Variants in MERTK observed in about 807,000 individuals in gnomAD.
MERTK encodes the protein MER proto-oncogene, tyrosine kinase.
In MERTK, 69 loss-of-function variants were observed where a neutral mutation model predicts 99.3. That is an observed-to-expected ratio of 0.70 (90% CI 0.57 to 0.85). The LOEUF (loss-of-function observed/expected upper bound fraction) is 0.85. Ranked by LOEUF, MERTK falls within the 40% of genes least tolerant of loss-of-function variation. The probability of loss-of-function intolerance (pLI) is 0.00; values close to 1 mark genes in which losing one functional copy is unlikely to be tolerated. For synonymous variants in MERTK, 426 were observed against 467.6 expected (o/e 0.91, Z 1.15); for missense variants, 1,125 against 1,249.4 (o/e 0.90, Z 1.50).
chr2:111,988,832 C>T (rs1340674485), intron 8 of MERTK, among the ~76,000 whole-genome samples: 1 of 152,238 alleles, frequency 6.6e-6, no homozygotes, highest in East Asian at 1.9e-4. Flanking sequence ...ACCTGTAGTC[C>T]CAGCTACTTG....
chr2:111,967,084 G>A (rs530540516), intron 5 of MERTK, among the ~76,000 whole-genome samples: 5 of 152,300 alleles, frequency 3.3e-5, no homozygotes, highest in African/African-American at 1.2e-4. Context: ...AGCAGGTCAG[G>A]TGGTAAACCA....
chr2:112,001,444 A>G (rs950300199), intron 11 of MERTK, among the ~76,000 whole-genome samples, 158 bp downstream of exon 11: 1 of 152,232 alleles, frequency 6.6e-6, no homozygotes, highest in South Asian at 2.1e-4. Context: ...AGATAGCCAG[A>G]CATTGCCATG....
chr2:111,918,444 T>G (rs546215382), intron 1 of MERTK, among the ~76,000 whole-genome samples: 17 of 152,264 alleles, frequency 1.1e-4, no homozygotes, highest in South Asian at 1.0e-3. Context: ...CTGGGTCTTA[T>G]GAAAGCCACA....
At chr2:111,982,746 A>G in intron 7 of MERTK, 96 bp from the exon 8 acceptor site, 1 of 1,371,376 alleles carries the variant, frequency 7.3e-7, no homozygotes. Context: ...TGCTTTTCAT[A>G]GAGCATTTGA....
chr2:111,929,143 G>T lies in MERTK; in HGVS notation c.85G>T (p.Ala29Ser). ...RRAITEAREEAKPYPLFPGPF... is the reference protein window; with the variant it reads ...RRAITEAREESKPYPLFPGPF... ...AGCTATCACTGAGGCAAGGGAAGAA[G>T]CCAAGCCTTACCCGCTATTCCCGGG... The change falls in exon 2 of 19, where the codon GCC becomes TCC. Residue 29 changes from alanine to serine, a missense_variant. Ala to Ser is a moderately conservative substitution (Grantham distance 99). Coordinates refer to ENST00000295408, the MANE Select transcript of MERTK (RefSeq NM_006343.3). 6.2e-7 allele frequency: 1 copy of T among 1,614,170 alleles called. No homozygotes were observed. Among genetic ancestry groups the T allele is most frequent in the Non-Finnish European group, 8.5e-7 (1 of 1,180,030 alleles).
intron 1 of MERTK, among the ~76,000 whole-genome samples, chr2:111,899,573 C>G (rs1377011533): frequency 6.6e-6 from 1 of 151,854 alleles, no homozygotes; most frequent in African/African-American, 2.4e-5. Flanking sequence ...GCTGGAGTGC[C>G]GCGGCGCGAT....
At chr2:111,997,165 C>T in intron 9 of MERTK, 158 bp from the exon 10 acceptor site, 1 of 862,274 alleles carries the variant, frequency 1.2e-6, no homozygotes, top group Non-Finnish European at 2.0e-6. Context: ...GATCTCTTCG[C>T]ATGGTCTCAG....
intron 8 of MERTK, among the ~76,000 whole-genome samples, chr2:111,985,178 G>A (rs1676450814): frequency 6.6e-6 from 1 of 152,188 alleles, no homozygotes; most frequent in Admixed American, 6.5e-5. Flanking sequence ...TGCTAGGCAT[G>A]ACTCCAGTCA....
intron 18 of MERTK, 196 bp downstream of exon 18, chr2:112,022,590 A>G (rs1458573954): frequency 3.4e-6 from 3 of 869,844 alleles, no homozygotes; most frequent in African/African-American, 1.6e-5. Context: ...TGGTATCTCC[A>G]GTGAGCCCAC....
At chr2:112,006,028 G>A (rs1249836109) in intron 13 of MERTK, among the ~76,000 whole-genome samples, 3 of 152,022 alleles carry the variant, frequency 2.0e-5, no homozygotes, top group Non-Finnish European at 4.4e-5. Flanking sequence ...TTACAGGCAT[G>A]CACCACCATG....
Position 111,929,180 on chromosome 2 carries a change from G to A in MERTK, c.122G>A (p.Gly41Glu). ...CCGCTATTCCCGGGACCTTTTCCAGGGAGCCTGCAAACTGACCACACACCG... is the reference window on the plus strand; with the variant it reads ...CCGCTATTCCCGGGACCTTTTCCAGAGAGCCTGCAAACTGACCACACACCG... ...PYPLFPGPFP[G>E]SLQTDHTPLL... Residue 41 changes from glycine (G) to glutamate (E), a missense_variant, in exon 2 of 19, where the codon GGG becomes GAG. Coordinates refer to ENST00000295408, the MANE Select transcript of MERTK (RefSeq NM_006343.3). 1 of 1,614,124 alleles carries A rather than the reference G, an allele frequency of 6.2e-7. No homozygotes were observed. The highest frequency in any genetic ancestry group is 2.2e-5 in the East Asian group (1 of 44,862).
chr2:111,907,357 T>C (rs1455234400), intron 1 of MERTK, among the ~76,000 whole-genome samples: 1 of 152,174 alleles, frequency 6.6e-6, no homozygotes, highest in Non-Finnish European at 1.5e-5. Flanking sequence ...GAGGTTGCAG[T>C]GAGCCGAGAT....
chr2:111,906,798 G>A (rs774554850), intron 1 of MERTK, among the ~76,000 whole-genome samples: 1 of 152,178 alleles, frequency 6.6e-6, no homozygotes, highest in Non-Finnish European at 1.5e-5. Context: ...TAACCACTTG[G>A]GGAGTTGAAA....
At chr2:111,919,676 G>T (rs1309758109) in intron 1 of MERTK, among the ~76,000 whole-genome samples, 1 of 152,020 alleles carries the variant, frequency 6.6e-6, no homozygotes, top group Non-Finnish European at 1.5e-5. Context: ...TGAAAGGGAT[G>T]ATGAGAGGGT....
chr2:111,963,419 T>G (rs1403058123), intron 4 of MERTK, among the ~76,000 whole-genome samples: 1 of 152,172 alleles, frequency 6.6e-6, no homozygotes, highest in Non-Finnish European at 1.5e-5. Context: ...GACGGTCAGG[T>G]CTTTCCCTTC....
chr2:112,009,873 C>T, intron 14 of MERTK, 75 bp from the exon 15 acceptor site: 1 of 1,119,968 alleles, frequency 8.9e-7, no homozygotes, highest in Non-Finnish European at 1.4e-6. Context: ...TTCAGTTTTT[C>T]CAGTGGTCCA....
At position 112,029,378 on chromosome 2, in the gene MERTK, A is replaced by ACC; in HGVS notation, c.*514_*515insCC. 2.1e-5 allele frequency: 20 copies of ACC among 935,128 alleles called. No homozygotes were observed. In the South Asian group the frequency reaches 2.4e-4, roughly 11 times the overall value. The allele number at this position is 935,128 out of a possible 1,614,324, so 57.9% of individuals were successfully genotyped here. ...AATATGAATAAGGAAGGATATGTTGAACTTACTTGAGACTTGAAAGACAGT... is the reference window on the plus strand; with the variant it reads ...AATATGAATAAGGAAGGATATGTTGACCACTTACTTGAGACTTGAAAGACAGT... On this transcript the variant is annotated 3_prime_UTR_variant, in exon 19 of 19. Transcript: ENST00000295408.
At chr2:111,953,742 A>G (rs1685097694) in intron 4 of MERTK, among the ~76,000 whole-genome samples, 1 of 152,026 alleles carries the variant, frequency 6.6e-6, no homozygotes, top group Non-Finnish European at 1.5e-5. Flanking sequence ...TGCCCGGCTC[A>G]TTTTTGTATT....
chr2:111,903,007 G>T (rs529188221), intron 1 of MERTK, among the ~76,000 whole-genome samples: 11 of 152,270 alleles, frequency 7.2e-5, no homozygotes, highest in Admixed American at 3.9e-4. Context: ...TCGAACTCCT[G>T]ACCTCAGGTG....
Sources: allele counts gnomAD v4.1 joint callset (sites outside exome capture counted in the v4.1 genomes callset), GRCh38; gene constraint gnomAD v4.1.1; transcripts MANE v1.5; gene names NCBI Gene and HGNC (gene_info 2026-07-23, HGNC 2026-07-21).